Variants in CDC42BPA observed in about 807,000 individuals in gnomAD.
CDC42BPA encodes the protein serine/threonine-protein kinase MRCK alpha.
CDC42BPA carries 80 observed loss-of-function variants against 223.5 expected under a neutral mutation model. The observed-to-expected ratio is 0.36, with a 90% CI of 0.30 to 0.43. CDC42BPA has a LOEUF of 0.43. Ranked by LOEUF, CDC42BPA falls within the 20% of genes least tolerant of loss-of-function variation. CDC42BPA has a pLI of 1.00. For missense variants in CDC42BPA, 1,743 were observed against 2,099.9 expected (o/e 0.83, Z 3.32); for synonymous variants, 694 against 718.6 (o/e 0.97, Z 0.55).
At chr1:227,089,460 G>A (rs776829344) in intron 16 of CDC42BPA, among the ~76,000 whole-genome samples, 2 of 152,152 alleles carry the variant, frequency 1.3e-5, no homozygotes, top group Non-Finnish European at 2.9e-5. Flanking sequence ...GAGAAACAGA[G>A]CAGAGGTTCA....
intron 5 of CDC42BPA, among the ~76,000 whole-genome samples, chr1:227,175,261 T>C (rs1666754576): frequency 6.6e-6 from 1 of 152,128 alleles, no homozygotes; most frequent in South Asian, 2.1e-4. Flanking sequence ...TTGACAACTG[T>C]AGTGCTGTGT....
chr1:227,148,028 C>A (rs937883826), intron 6 of CDC42BPA, among the ~76,000 whole-genome samples: 13 of 152,000 alleles, frequency 8.6e-5, no homozygotes, highest in Non-Finnish European at 1.9e-4. Flanking sequence ...AGAAAATACA[C>A]GTCAATAATG....
chr1:227,184,815 C>G (rs1006626613), intron 5 of CDC42BPA, among the ~76,000 whole-genome samples: 2 of 152,126 alleles, frequency 1.3e-5, no homozygotes, highest in African/African-American at 4.8e-5. Context: ...TTGGGAAGAA[C>G]TGACATCTTT....
intron 2 of CDC42BPA, among the ~76,000 whole-genome samples, chr1:227,233,863 G>A (rs951369507): frequency 6.6e-6 from 1 of 151,882 alleles, no homozygotes; most frequent in African/African-American, 2.4e-5. Flanking sequence ...AACCTAGGAG[G>A]TGGAAGTTGC....
chr1:227,280,163 T>G (rs1001321139), intron 1 of CDC42BPA, among the ~76,000 whole-genome samples: 1 of 152,246 alleles, frequency 6.6e-6, no homozygotes, highest in African/African-American at 2.4e-5. Flanking sequence ...AATTTTTAAT[T>G]CAAATGAATG....
intron 5 of CDC42BPA, among the ~76,000 whole-genome samples, chr1:227,166,636 G>A (rs1665083979): frequency 6.6e-6 from 1 of 151,960 alleles, no homozygotes; most frequent in Admixed American, 6.6e-5. Flanking sequence ...AAAATGTTTG[G>A]GGCAAAGTAT....
intron 2 of CDC42BPA, among the ~76,000 whole-genome samples, chr1:227,246,177 T>C (rs1247214686): frequency 1.3e-5 from 2 of 152,128 alleles, no homozygotes; most frequent in Non-Finnish European, 2.9e-5. Context: ...GAACTGCTCA[T>C]GGAACAGTCA....
At chr1:227,097,576 G>A (rs1377622453) in intron 15 of CDC42BPA, among the ~76,000 whole-genome samples, 2 of 152,166 alleles carry the variant, frequency 1.3e-5, no homozygotes, top group Non-Finnish European at 2.9e-5. Flanking sequence ...CTGGTGCCAG[G>A]AAAAGGCAGT....
chr1:227,164,697 C>T (rs555047665), intron 5 of CDC42BPA, among the ~76,000 whole-genome samples: 18 of 151,278 alleles, frequency 1.2e-4, no homozygotes, highest in Middle Eastern at 3.4e-3. Context: ...CGCACACACA[C>T]GTGCACGCAC....
In CDC42BPA at chr1:227,029,094, T is replaced by G. The variant is rs974005038; in HGVS notation, c.3995A>C (p.Glu1332Ala). Residue 1332 changes from glutamate (E) to alanine (A), a missense_variant, in exon 30 of 37, where the codon GAA (glutamate) becomes GCA (alanine). By Grantham distance (107) the Glu-to-Ala change is moderately radical. Around this residue, in one of 6 missense-constraint regions of CDC42BPA, gnomAD observed 678 missense variants for 777.5 expected, o/e 0.87. Coordinates refer to ENST00000366766, the MANE Select transcript of CDC42BPA (RefSeq NM_001394014.1). ...GRETDFYKLS[E>A]TKGCQTVTSG... ...AGTTACGGTTTGACACCCTTTAGTT[T>G]CTGACAGCTTGTAAAAATCGGTCTC... The G allele has an allele frequency of 6.2e-7, 1 of 1,613,710 alleles. No homozygotes were observed. The highest frequency in any genetic ancestry group is 2.2e-5 in the East Asian group (1 of 44,884).
At chr1:227,008,598 G>A (rs1264829799) in intron 34 of CDC42BPA, among the ~76,000 whole-genome samples, 2 of 152,014 alleles carry the variant, frequency 1.3e-5, no homozygotes, top group African/African-American at 4.8e-5. Context: ...TTGCAGCACT[G>A]AGCTTTCCTA....
chr1:227,191,307 G>A (rs1042018569), intron 5 of CDC42BPA, among the ~76,000 whole-genome samples: 4 of 139,746 alleles, frequency 2.9e-5, no homozygotes, highest in African/African-American at 5.3e-5. Context: ...ATCGCACCAC[G>A]GCACTCCAGC....
intron 2 of CDC42BPA, among the ~76,000 whole-genome samples, chr1:227,248,876 T>A (rs184809847): frequency 6.6e-6 from 1 of 152,264 alleles, no homozygotes; most frequent in Admixed American, 6.5e-5. Context: ...AATCTACAGA[T>A]TCAATGCAAT....
chr1:227,100,783 T>TGTGTGTGTGTGTGTGTGTGTGCGC (rs1558497863), intron 15 of CDC42BPA, among the ~76,000 whole-genome samples: 1 of 148,146 alleles, frequency 6.8e-6, no homozygotes. Context: ...TGTGTGCGTG[T>TGTGTGTGTGTGTGTGTGTGTGCGC]GCCATCATAC....
chr1:227,211,134 A>G (rs1673814992), intron 3 of CDC42BPA, among the ~76,000 whole-genome samples: 1 of 152,168 alleles, frequency 6.6e-6, no homozygotes, highest in South Asian at 2.1e-4. Context: ...CAGTAAGGCA[A>G]TTCAGTCTTA....
intron 15 of CDC42BPA, among the ~76,000 whole-genome samples, chr1:227,100,777 T>TGTGTGCGCGC (rs777124731): frequency 3.9e-4 from 50 of 128,604 alleles, no homozygotes; most frequent in Admixed American, 6.2e-4. Flanking sequence ...TGTGTGTGTG[T>TGTGTGCGCGC]GCGTGTGCCA....
intron 2 of CDC42BPA, among the ~76,000 whole-genome samples, chr1:227,252,795 G>A (rs1682255572): frequency 6.6e-6 from 1 of 152,116 alleles, no homozygotes; most frequent in Admixed American, 6.6e-5. Context: ...AACCATGAGT[G>A]TCCCAAAAGA....
chr1:227,233,191 T>TTTTTTA (rs1218049122), intron 2 of CDC42BPA, among the ~76,000 whole-genome samples: 26 of 152,308 alleles, frequency 1.7e-4, no homozygotes, highest in African/African-American at 5.5e-4. Context: ...GAACCGCTAT[T>TTTTTTA]TTTTTATTTT....
chr1:227,039,131 G>A (rs1423042430), intron 24 of CDC42BPA, among the ~76,000 whole-genome samples: 1 of 151,876 alleles, frequency 6.6e-6, no homozygotes, highest in East Asian at 1.9e-4. Flanking sequence ...TCCTGATTTG[G>A]TTCCTTCTGA....
Sources: allele counts gnomAD v4.1 joint callset (sites outside exome capture counted in the v4.1 genomes callset), GRCh38; gene constraint gnomAD v4.1.1; regional missense constraint gnomAD v4.1.1; transcripts MANE v1.5; gene names NCBI Gene and HGNC (gene_info 2026-07-23, HGNC 2026-07-21).